GRM8: variants seen among roughly 807,000 people sequenced by gnomAD.
The protein encoded by GRM8 is metabotropic glutamate receptor 8.
A neutral mutation model predicts 87.2 loss-of-function variants in GRM8; 47 were observed. That is an observed-to-expected ratio of 0.54 (90% CI 0.43 to 0.69). The LOEUF is 0.69. Ranked by LOEUF, GRM8 falls within the 30% of genes least tolerant of loss-of-function variation. The probability of loss-of-function intolerance (pLI) is 0.00; values close to 1 mark genes in which losing one functional copy is unlikely to be tolerated. For missense variants in GRM8, 1,019 were observed against 1,139.2 expected (o/e 0.89, Z 1.52); for synonymous variants, 396 against 404.5 (o/e 0.98, Z 0.25).
chr7:126,756,245 C>G (rs1310165394), intron 7 of GRM8, among the ~76,000 whole-genome samples: 3 of 152,004 alleles, frequency 2.0e-5, no homozygotes, highest in Non-Finnish European at 2.9e-5. Flanking sequence ...AGACCTTATT[C>G]TCTTTAAACA....
At chr7:127,047,816 A>T (rs1819088027) in intron 3 of GRM8, among the ~76,000 whole-genome samples, 1 of 152,248 alleles carries the variant, frequency 6.6e-6, no homozygotes, top group South Asian at 2.1e-4. Context: ...AGCCTGGGTG[A>T]CAAAATGAGA....
At chr7:126,475,920 T>C (rs1400561056) in intron 9 of GRM8, among the ~76,000 whole-genome samples, 1 of 152,078 alleles carries the variant, frequency 6.6e-6, no homozygotes, top group African/African-American at 2.4e-5. Context: ...TGAAAAATAA[T>C]GAAATTGAAG....
intron 7 of GRM8, among the ~76,000 whole-genome samples, chr7:126,755,258 T>G (rs973584398): frequency 3.3e-5 from 5 of 151,978 alleles, no homozygotes; most frequent in Non-Finnish European, 5.9e-5. Context: ...GAAAATGCCT[T>G]TCCTCTCCCT....
At chr7:126,683,574 TC>T (rs1306267540) in intron 7 of GRM8, among the ~76,000 whole-genome samples, 13 of 152,152 alleles carry the variant, frequency 8.5e-5, no homozygotes, top group African/African-American at 2.4e-5. Context: ...CTTTCTCCCC[TC>T]CCTCCATCTC....
At chr7:126,471,295 G>A (rs1805187515) in intron 9 of GRM8, among the ~76,000 whole-genome samples, 2 of 152,140 alleles carry the variant, frequency 1.3e-5, no homozygotes, top group African/African-American at 4.8e-5. Flanking sequence ...TAATGCCTAG[G>A]TTTTCTTCTA....
At chr7:126,987,181 T>C (rs1469832132) in intron 3 of GRM8, among the ~76,000 whole-genome samples, 1 of 152,168 alleles carries the variant, frequency 6.6e-6, no homozygotes, top group Non-Finnish European at 1.5e-5. Flanking sequence ...TTTAGTCGTG[T>C]AAAAAACTTT....
intron 8 of GRM8, among the ~76,000 whole-genome samples, chr7:126,557,251 C>A (rs561627658): frequency 6.6e-6 from 1 of 152,112 alleles, no homozygotes; most frequent in South Asian, 2.1e-4. Context: ...GCAAAGGCAG[C>A]GGTATTAGGG....
At chr7:126,650,430 G>A (rs535965923) in intron 7 of GRM8, among the ~76,000 whole-genome samples, 2 of 152,200 alleles carry the variant, frequency 1.3e-5, no homozygotes, top group South Asian at 2.1e-4. Flanking sequence ...TAGCATTATA[G>A]CCCCTTTCTA....
chr7:126,552,075 C>A (rs1302481145), intron 8 of GRM8, among the ~76,000 whole-genome samples: 1 of 152,092 alleles, frequency 6.6e-6, no homozygotes, highest in African/African-American at 2.4e-5. Context: ...GCTTTGAAGA[C>A]CATTCTTCCA....
At chr7:126,802,441 G>T (rs539509303) in intron 6 of GRM8, among the ~76,000 whole-genome samples, 2 of 152,104 alleles carry the variant, frequency 1.3e-5, no homozygotes, top group African/African-American at 2.4e-5. Context: ...TTGTCTTTCT[G>T]TGCCTGGCTT....
intron 7 of GRM8, among the ~76,000 whole-genome samples, chr7:126,695,965 G>C (rs1410098877): frequency 1.3e-5 from 2 of 152,170 alleles, no homozygotes; most frequent in South Asian, 2.1e-4. Context: ...TATGATCACT[G>C]ATTATAAGGT....
intron 7 of GRM8, among the ~76,000 whole-genome samples, chr7:126,681,325 G>C (rs1197566358): frequency 2.0e-5 from 3 of 152,254 alleles, no homozygotes; most frequent in Admixed American, 1.3e-4. Flanking sequence ...TTCTTCACCA[G>C]CTCTGACCCC....
intron 2 of GRM8, among the ~76,000 whole-genome samples, chr7:127,113,874 A>C (rs937306364): frequency 6.6e-6 from 1 of 152,196 alleles, no homozygotes; most frequent in African/African-American, 2.4e-5. Flanking sequence ...GTATATAATC[A>C]GAAATTAGAT....
At chr7:126,517,444 A>G (rs1562908898) in intron 9 of GRM8, among the ~76,000 whole-genome samples, 1 of 152,074 alleles carries the variant, frequency 6.6e-6, no homozygotes, top group African/African-American at 2.4e-5. Context: ...GAGTGGGAAT[A>G]TATGCCACGT....
In GRM8 at chr7:126,886,222, G is replaced by A. The variant is rs577624777; in HGVS notation, c.1156+16320C>T. On this transcript the variant is annotated intron_variant, in intron 6 of 10. Coordinates refer to ENST00000339582, the MANE Select transcript of GRM8 (RefSeq NM_000845.3). ...TCCCCACATTATTGCCAGGAATTACGGTATACTTAAGATGAATCCATTAAG... is the reference window on the plus strand; with the variant it reads ...TCCCCACATTATTGCCAGGAATTACAGTATACTTAAGATGAATCCATTAAG... Among the ~76,000 whole-genome samples the A allele has an allele frequency of 3.3e-5, 5 of 152,038 alleles. No individual in the cohort carries two copies. The East Asian group carries it at 5.8e-4, about 18-fold the overall frequency.
intron 9 of GRM8, among the ~76,000 whole-genome samples, chr7:126,463,258 C>G (rs1804090863): frequency 6.6e-6 from 1 of 151,504 alleles, no homozygotes; most frequent in South Asian, 2.1e-4. Context: ...CAGGAACTAC[C>G]TCAGACTACT....
At chr7:126,712,528 A>G (rs1432269601) in intron 7 of GRM8, among the ~76,000 whole-genome samples, 4 of 152,210 alleles carry the variant, frequency 2.6e-5, no homozygotes, top group African/African-American at 7.2e-5. Context: ...TGTAAGAAAC[A>G]CAGTACCTGT....
intron 2 of GRM8, among the ~76,000 whole-genome samples, chr7:127,160,305 G>A (rs1177300926): frequency 6.6e-6 from 1 of 152,014 alleles, no homozygotes. Flanking sequence ...CAGGGTTGAA[G>A]GATAGAAGAA....
At chr7:126,873,466 T>C (rs1799278629) in intron 6 of GRM8, among the ~76,000 whole-genome samples, 1 of 152,074 alleles carries the variant, frequency 6.6e-6, no homozygotes. Context: ...ACCCTTAAGA[T>C]AGTAGGTACT....
Sources: allele counts gnomAD v4.1 joint callset (sites outside exome capture counted in the v4.1 genomes callset), GRCh38; gene constraint gnomAD v4.1.1; transcripts MANE v1.5; gene names NCBI Gene and HGNC (gene_info 2026-07-23, HGNC 2026-07-21).